The following EYS variants were observed in gnomAD, a reference collection of about 807,000 sequenced individuals.
EYS encodes the protein EGF-like photoreceptor maintenance factor.
EYS carries 250 observed loss-of-function variants against 282.1 expected under a neutral mutation model. The observed-to-expected ratio is 0.89, with a 90% CI of 0.80 to 0.98. The LOEUF (loss-of-function observed/expected upper bound fraction) is 0.98, where lower values mean the gene tolerates loss of function less well. EYS is among the 50% of genes least tolerant of loss of function. The pLI is 0.00. For synonymous variants in EYS, 1,355 were observed against 1,282.9 expected, an observed-to-expected ratio of 1.06 and a Z score of -1.20; for missense variants, 4,016 against 3,709.0, an observed-to-expected ratio of 1.08 and a Z score of -2.15.
chr6:64,255,951 C>T (rs1357014629), intron 30 of EYS, among the ~76,000 whole-genome samples: 1 of 151,854 alleles, frequency 6.6e-6, no homozygotes, highest in African/African-American at 2.4e-5. Context: ...ATTGGTCTTC[C>T]AAATAATTAA....
intron 22 of EYS, among the ~76,000 whole-genome samples, chr6:64,695,378 C>T (rs572106272): frequency 8.6e-4 from 131 of 152,142 alleles, no homozygotes; most frequent in Non-Finnish European, 1.7e-3. Context: ...ACACCCTTTG[C>T]GTGATCTTCT....
chr6:64,915,568 C>T (rs1768134863), intron 15 of EYS, among the ~76,000 whole-genome samples: 1 of 152,074 alleles, frequency 6.6e-6, no homozygotes, highest in Admixed American at 6.5e-5. Flanking sequence ...ATCTGCATTG[C>T]CTGGCCACCT....
At chr6:64,223,194 C>T (rs546706430) in intron 31 of EYS, among the ~76,000 whole-genome samples, 1 of 152,062 alleles carries the variant, frequency 6.6e-6, no homozygotes, top group East Asian at 1.9e-4. Context: ...TCATTCTTCC[C>T]ACTGTTTAAC....
At chr6:63,795,477 A>C (rs1451443639) in intron 37 of EYS, among the ~76,000 whole-genome samples, 1 of 152,196 alleles carries the variant, frequency 6.6e-6, no homozygotes, top group Non-Finnish European at 1.5e-5. Context: ...TGGGTTTTAA[A>C]AGTTTGATGC....
At chr6:64,121,128 C>T (rs1377360687) in intron 31 of EYS, among the ~76,000 whole-genome samples, 2 of 152,134 alleles carry the variant, frequency 1.3e-5, no homozygotes, top group African/African-American at 4.8e-5. Flanking sequence ...TTCAGGCCAG[C>T]AGGAATGCAT....
intron 28 of EYS, among the ~76,000 whole-genome samples, chr6:64,411,313 A>C (rs913494582): frequency 6.6e-6 from 1 of 152,102 alleles, no homozygotes; most frequent in Non-Finnish European, 1.5e-5. Context: ...AAAACATAAA[A>C]CAGTAACAAG....
At chr6:64,226,834 G>T (rs1188660434) in intron 31 of EYS, among the ~76,000 whole-genome samples, 6 of 152,072 alleles carry the variant, frequency 3.9e-5, no homozygotes, top group African/African-American at 1.4e-4. Flanking sequence ...GTCTGTGGGT[G>T]ACCCATTCCT....
intron 33 of EYS, among the ~76,000 whole-genome samples, chr6:64,031,251 A>T (rs1769816729): frequency 6.6e-6 from 1 of 152,006 alleles, no homozygotes; most frequent in Non-Finnish European, 1.5e-5. Flanking sequence ...CCGCACTCAG[A>T]GGGGCTGGCC....
chr6:64,390,966 A>G (rs1177530721), intron 28 of EYS, among the ~76,000 whole-genome samples: 1 of 152,058 alleles, frequency 6.6e-6, no homozygotes, highest in Non-Finnish European at 1.5e-5. Flanking sequence ...CTCGAGAACT[A>G]CGTGAAGAAT....
At chr6:65,180,999 G>C (rs1031404727) in intron 12 of EYS, among the ~76,000 whole-genome samples, 2 of 152,138 alleles carry the variant, frequency 1.3e-5, no homozygotes, top group East Asian at 1.9e-4. Context: ...AAACTGGCTA[G>C]CCATATGTAG....
intron 22 of EYS, among the ~76,000 whole-genome samples, chr6:64,751,221 C>A (rs948594340): frequency 6.6e-6 from 1 of 152,168 alleles, no homozygotes; most frequent in African/African-American, 2.4e-5. Context: ...GGCACATTTG[C>A]TCCCCTGGTT....
intron 2 of EYS, among the ~76,000 whole-genome samples, chr6:65,597,530 G>C (rs1377215023): frequency 1.3e-5 from 2 of 152,092 alleles, no homozygotes; most frequent in African/African-American, 2.4e-5. Context: ...AAGTTGGAAA[G>C]TATTAGCTAC....
intron 26 of EYS, among the ~76,000 whole-genome samples, chr6:64,587,259 T>A (rs1458336283): frequency 6.6e-6 from 1 of 152,052 alleles, no homozygotes; most frequent in Non-Finnish European, 1.5e-5. Context: ...ATTATAGGCT[T>A]GCTACCTTAG....
intron 35 of EYS, among the ~76,000 whole-genome samples, chr6:63,961,424 G>C (rs950548998): frequency 1.3e-5 from 2 of 148,304 alleles, no homozygotes; most frequent in African/African-American, 5.0e-5. Context: ...AGCACCTTGT[G>C]ACCCCCGCCC....
At chr6:64,321,738 T>TG (rs1770225579) in intron 29 of EYS, among the ~76,000 whole-genome samples, 1 of 151,906 alleles carries the variant, frequency 6.6e-6, no homozygotes, top group Non-Finnish European at 1.5e-5. Flanking sequence ...GTTAATGTAG[T>TG]GTTTCTGATG....
chr6:65,619,160 C>T (rs4710530), intron 2 of EYS, among the ~76,000 whole-genome samples: 4,499 of 151,720 alleles, frequency 0.03, 289 homozygotes, highest in East Asian at 0.29. Context: ...GCCATTTTCA[C>T]GATATTGATT....
At chr6:63,827,236 A>G (rs990184071) in intron 36 of EYS, among the ~76,000 whole-genome samples, 11 of 152,198 alleles carry the variant, frequency 7.2e-5, no homozygotes. Flanking sequence ...AAACCTAAAC[A>G]CATACGCACC....
At chr6:65,345,357 GTAAT>G (rs761560259) in intron 9 of EYS, among the ~76,000 whole-genome samples, 4 of 151,838 alleles carry the variant, frequency 2.6e-5, no homozygotes, top group East Asian at 2.0e-4. Context: ...CATTCTGAGA[GTAAT>G]TAACTCAAAC....
chr6:65,009,568 G>T (rs1260954712), intron 13 of EYS, among the ~76,000 whole-genome samples: 4 of 152,096 alleles, frequency 2.6e-5, no homozygotes, highest in Non-Finnish European at 5.9e-5. Context: ...AACTCACCTG[G>T]ACTGTTTTAC....
Sources: allele counts gnomAD v4.1 joint callset (sites outside exome capture counted in the v4.1 genomes callset), GRCh38; gene constraint gnomAD v4.1.1; transcripts MANE v1.5; gene names NCBI Gene and HGNC (gene_info 2026-07-23, HGNC 2026-07-21).